SRRM4: variants seen among roughly 807,000 people sequenced by gnomAD.
The protein encoded by SRRM4 is serine/arginine repetitive matrix 4, also known as serine/arginine repetitive matrix protein 4.
Under a neutral mutation model 68.9 loss-of-function variants are expected in SRRM4, and 33 were observed. The ratio of observed to expected loss-of-function variants is 0.48; its 90% CI spans 0.36 to 0.64. The LOEUF is 0.64. Ranked by LOEUF, SRRM4 falls within the 30% of genes least tolerant of loss-of-function variation. SRRM4 has a pLI of 0.00. For missense variants in SRRM4, 817 were observed against 827.1 expected, an observed-to-expected ratio of 0.99 and a Z score of 0.15; for synonymous variants, 318 against 318.8, an observed-to-expected ratio of 1.00 and a Z score of 0.03.
At chr12:119,071,449 C>G (rs985342908) in intron 1 of SRRM4, among the ~76,000 whole-genome samples, 1 of 152,138 alleles carries the variant, frequency 6.6e-6, no homozygotes, top group Non-Finnish European at 1.5e-5. Flanking sequence ...TCAGCACATA[C>G]GAAGCACACA....
intron 1 of SRRM4, among the ~76,000 whole-genome samples, chr12:119,017,509 G>A (rs1953489235): frequency 6.6e-6 from 1 of 152,208 alleles, no homozygotes; most frequent in South Asian, 2.1e-4. Flanking sequence ...GCATTCCCTG[G>A]GCTGAGGAAG....
At chr12:119,002,613 C>T (rs1376940513) in intron 1 of SRRM4, among the ~76,000 whole-genome samples, 4 of 152,170 alleles carry the variant, frequency 2.6e-5, no homozygotes, top group Non-Finnish European at 5.9e-5. Flanking sequence ...ATATAAGGAA[C>T]TATAATATTT....
In SRRM4 at chr12:119,154,788, G is replaced by A. The variant is rs144817954; in HGVS notation, c.1532+405G>A. 0.015 allele frequency among the ~76,000 whole-genome samples: 2,284 copies of A among 152,286 alleles called. 27 individuals carry two copies. The highest frequency in any genetic ancestry group is 0.034 in the Middle Eastern group (10 of 292). On this transcript the variant is annotated intron_variant, in intron 12 of 12. Coordinates refer to ENST00000267260, the MANE Select transcript of SRRM4 (RefSeq NM_194286.4). This position sits in a 1 kb window ranked among gnomAD's most constrained non-coding sequence, Gnocchi z 4.7. ...GGCCTGGTGGTGGATCCCGAGCAGC[G>A]GAGACAGACCTCTACCCTCAGACCT...
intron 1 of SRRM4, among the ~76,000 whole-genome samples, chr12:119,017,462 G>A (rs1450207789): frequency 2.0e-5 from 3 of 152,206 alleles, no homozygotes; most frequent in Non-Finnish European, 4.4e-5. Flanking sequence ...TGTCTGGGCT[G>A]AAGACTCAGC....
intron 10 of SRRM4, 81 bp from the exon 11 acceptor site, chr12:119,153,458 C>A: frequency 1.1e-6 from 1 of 923,704 alleles, no homozygotes. Flanking sequence ...CCCAGGGACC[C>A]GCTGAATAAA....
chr12:119,136,970 C>T (rs1426347363), intron 8 of SRRM4, among the ~76,000 whole-genome samples: 1 of 152,184 alleles, frequency 6.6e-6, no homozygotes, highest in Non-Finnish European at 1.5e-5. Flanking sequence ...TCTCTTTCTC[C>T]ATCTCCTCCT....
chr12:119,131,027 G>T (rs1054719288), intron 8 of SRRM4, among the ~76,000 whole-genome samples, 193 bp downstream of exon 8: 1 of 152,164 alleles, frequency 6.6e-6, no homozygotes, highest in Non-Finnish European at 1.5e-5. Flanking sequence ...TGGGGATTTT[G>T]GGGGGCAGGG....
chr12:119,003,028 G>A (rs1015051055), intron 1 of SRRM4, among the ~76,000 whole-genome samples: 4 of 151,850 alleles, frequency 2.6e-5, no homozygotes, highest in South Asian at 4.2e-4. Flanking sequence ...TCAGAGGGGT[G>A]ACAACACTCA....
chr12:119,056,110 C>T (rs375434607), intron 1 of SRRM4, among the ~76,000 whole-genome samples: 46 of 152,328 alleles, frequency 3.0e-4, no homozygotes, highest in Admixed American at 1.0e-3. Flanking sequence ...GCCAGCCCCC[C>T]TCTCAGCCTC....
At position 119,118,885 on chromosome 12, in the gene SRRM4, G is replaced by A. The variant is rs566287232; in HGVS notation, c.438-1365G>A. ...GCTTTACAGAGTAGGGGGTTCATAT[G>A]AGGGAGATGATTAGGAGGGGAAATT... On this transcript the variant is annotated intron_variant, in intron 4 of 12. Transcript: ENST00000267260. Among the ~76,000 whole-genome samples, 3 of 152,214 alleles carry A rather than the reference G, an allele frequency of 2.0e-5. No individual in the cohort carries two copies. The East Asian group carries it at 5.8e-4, about 29-fold the overall frequency.
At chr12:119,039,631 C>T (rs912235250) in intron 1 of SRRM4, among the ~76,000 whole-genome samples, 1 of 152,174 alleles carries the variant, frequency 6.6e-6, no homozygotes. Flanking sequence ...CTTAGATAAA[C>T]TAAGATTGTT....
chr12:119,037,337 A>G (rs997846666), intron 1 of SRRM4, among the ~76,000 whole-genome samples: 8 of 152,200 alleles, frequency 5.3e-5, no homozygotes, highest in African/African-American at 1.9e-4. Context: ...TTTCCAATCC[A>G]GAATGCAAAC....
intron 1 of SRRM4, among the ~76,000 whole-genome samples, chr12:119,039,918 G>T (rs1007933070): frequency 1.3e-5 from 2 of 152,008 alleles, no homozygotes; most frequent in Non-Finnish European, 2.9e-5. Flanking sequence ...TGAAGCACAC[G>T]CACTGCCCCA....
At chr12:119,041,411 T>C (rs1953668208) in intron 1 of SRRM4, among the ~76,000 whole-genome samples, 10 of 152,234 alleles carry the variant, frequency 6.6e-5, no homozygotes. Context: ...GAAGATCCAG[T>C]GAAATGGTGA....
intron 1 of SRRM4, among the ~76,000 whole-genome samples, chr12:119,050,222 C>T (rs765967378): frequency 2.0e-5 from 3 of 152,204 alleles, no homozygotes; most frequent in Admixed American, 6.5e-5. Context: ...GAAAGGACAG[C>T]AAGGACACTC....
intron 4 of SRRM4, among the ~76,000 whole-genome samples, 182 bp downstream of exon 4, chr12:119,117,190 C>T (rs1954186231): frequency 6.6e-6 from 1 of 152,152 alleles, no homozygotes; most frequent in African/African-American, 2.4e-5. Flanking sequence ...GAGGTCCACA[C>T]ATGCTAACTG....
At chr12:119,073,506 G>T (rs1226268005) in intron 1 of SRRM4, among the ~76,000 whole-genome samples, 1 of 151,984 alleles carries the variant, frequency 6.6e-6, no homozygotes, top group Non-Finnish European at 1.5e-5. Context: ...TGTATTTTTA[G>T]TAGAGATGGG....
chr12:119,120,385 C>T, intron 5 of SRRM4, 109 bp downstream of exon 5: 1 of 1,124,270 alleles, frequency 8.9e-7, no homozygotes, highest in Non-Finnish European at 1.3e-6. Context: ...AGGCATGACC[C>T]CTTCATCTTC....
chr12:119,018,169 G>C (rs1197097302), intron 1 of SRRM4, among the ~76,000 whole-genome samples: 2 of 152,196 alleles, frequency 1.3e-5, no homozygotes, highest in African/African-American at 4.8e-5. Context: ...AAGGAGACAG[G>C]AGTCAAACTC....
Sources: gnomAD v4.1 joint callset for allele counts (sites outside exome capture counted in the v4.1 genomes callset) on GRCh38, gnomAD v4.1.1 for gene constraint, Gnocchi (gnomAD v3.1) non-coding constraint, MANE v1.5 for transcripts, NCBI Gene and HGNC (gene_info 2026-07-23, HGNC 2026-07-21) for gene names.